CLASP2: variants seen among roughly 807,000 people sequenced by gnomAD.
CLASP2 encodes cytoplasmic linker associated protein 2, also known as CLIP-associating protein 2.
In CLASP2, 47 loss-of-function variants were observed where a neutral mutation model predicts 194.4. That is an observed-to-expected ratio of 0.24 (90% confidence interval 0.19 to 0.31). CLASP2 has a LOEUF of 0.31. Among genes scored for constraint, CLASP2 ranks in the 10% least tolerant of loss-of-function variants. The probability of loss-of-function intolerance (pLI) is 1.00; values close to 1 mark genes in which losing one functional copy is unlikely to be tolerated. For synonymous variants in CLASP2, 619 were observed against 633.5 expected (o/e 0.98, Z 0.34); for missense variants, 1,445 against 1,823.6 (o/e 0.79, Z 3.78).
chr3:33,499,790 T>C (rs6785534), intron 38 of CLASP2, among the ~76,000 whole-genome samples: 61,853 of 151,938 alleles, frequency 0.41, 12,793 homozygotes, highest in Admixed American at 0.51. Flanking sequence ...TCTTTATCTT[T>C]ATATTTTATA....
intron 32 of CLASP2, among the ~76,000 whole-genome samples, chr3:33,541,295 G>A (rs1350650476): frequency 1.3e-5 from 2 of 152,112 alleles, no homozygotes; most frequent in Admixed American, 6.6e-5. Context: ...TATACACCAC[G>A]GAATACACCA....
chr3:33,653,833 T>C (rs2083646604), intron 7 of CLASP2, among the ~76,000 whole-genome samples: 2 of 152,150 alleles, frequency 1.3e-5, no homozygotes, highest in Non-Finnish European at 2.9e-5. Flanking sequence ...ATGTCTGAAA[T>C]GCTTCATTAA....
At chr3:33,680,475 T>C (rs1249325648) in intron 6 of CLASP2, among the ~76,000 whole-genome samples, 3 of 152,214 alleles carry the variant, frequency 2.0e-5, no homozygotes, top group African/African-American at 4.8e-5. Flanking sequence ...GAAATCTCTG[T>C]ACCTTCACTT....
At chr3:33,541,651 T>C (rs2058385518) in intron 32 of CLASP2, among the ~76,000 whole-genome samples, 1 of 152,212 alleles carries the variant, frequency 6.6e-6, no homozygotes, top group African/African-American at 2.4e-5. Flanking sequence ...TCTATGTCTC[T>C]GCAAAGGACA....
At chr3:33,577,085 A>C (rs2065055544) in intron 23 of CLASP2, 2 of 870,774 alleles carry the variant, frequency 2.3e-6, no homozygotes, top group Admixed American at 3.3e-5. Context: ...TCTCCAACAA[A>C]TTAAATTTAA....
intron 21 of CLASP2, chr3:33,588,731 C>T (rs1349457361): frequency 1.4e-6 from 1 of 702,206 alleles, no homozygotes; most frequent in Non-Finnish European, 2.6e-6. Context: ...AGATTGTGAT[C>T]CTGAACAAGT....
chr3:33,639,669 C>G (rs893822171), intron 8 of CLASP2, among the ~76,000 whole-genome samples: 8 of 152,032 alleles, frequency 5.3e-5, no homozygotes, highest in African/African-American at 1.9e-4. Context: ...ATGTTATTTA[C>G]TCAAATCATA....
intron 8 of CLASP2, among the ~76,000 whole-genome samples, chr3:33,640,364 ATAAAG>A (rs1312755064): frequency 6.6e-6 from 1 of 152,248 alleles, no homozygotes; most frequent in Non-Finnish European, 1.5e-5. Flanking sequence ...CAGGTTAGAC[ATAAAG>A]TGAAGTAAAA....
chr3:33,696,353 C>CTTT lies in CLASP2; in HGVS notation c.274+499_274+501dup, dbSNP rs962854814. ...CCAGTAAAAACAATTTTCTTTCTTT[C>CTTT]TTTTTTTTTTTTTTTTTTTTTTTTT... On this transcript the variant is annotated intron_variant, in intron 2 of 38. Coordinates refer to ENST00000682230, the MANE Select transcript of CLASP2 (RefSeq NM_001365631.1). 7.8e-3 allele frequency among the ~76,000 whole-genome samples: 409 copies of CTTT among 52,748 alleles called. 4 individuals carry two copies. The highest frequency in any genetic ancestry group is 0.026 in the African/African-American group (334 of 12,920). The allele number at this position is 52,748 out of a possible 152,430, so 34.6% of individuals were successfully genotyped here.
chr3:33,692,089 A>G (rs1303824384), intron 2 of CLASP2, among the ~76,000 whole-genome samples: 1 of 152,110 alleles, frequency 6.6e-6, no homozygotes, highest in Non-Finnish European at 1.5e-5. Context: ...GGATGGTTTG[A>G]GCCCAGGAGG....
chr3:33,699,932 GAT>G (rs2092256081), intron 1 of CLASP2, among the ~76,000 whole-genome samples: 1 of 140,752 alleles, frequency 7.1e-6, no homozygotes, highest in Admixed American at 7.1e-5. Context: ...TAAAATAAAA[GAT>G]ATTTTAAAAG....
At chr3:33,694,432 C>T (rs906723586) in intron 2 of CLASP2, among the ~76,000 whole-genome samples, 1 of 152,118 alleles carries the variant, frequency 6.6e-6, no homozygotes, top group Non-Finnish European at 1.5e-5. Context: ...ATTCTTAAGT[C>T]TAAATTTTCT....
intron 1 of CLASP2, among the ~76,000 whole-genome samples, chr3:33,704,274 A>T (rs2092557189): frequency 6.6e-6 from 1 of 152,222 alleles, no homozygotes; most frequent in African/African-American, 2.4e-5. Flanking sequence ...TAACAAGTGT[A>T]TCACTCTGGT....
intron 12 of CLASP2, among the ~76,000 whole-genome samples, chr3:33,613,259 A>C (rs1444047097): frequency 6.6e-6 from 1 of 152,224 alleles, no homozygotes; most frequent in South Asian, 2.1e-4. Context: ...GATACAGCCC[A>C]AGGCTATCTT....
intron 2 of CLASP2, among the ~76,000 whole-genome samples, chr3:33,691,242 C>T (rs1037909921): frequency 8.5e-5 from 13 of 152,148 alleles, no homozygotes; most frequent in African/African-American, 1.4e-4. Flanking sequence ...TCTGAATCAA[C>T]GGAGGACTAA....
intron 23 of CLASP2, among the ~76,000 whole-genome samples, chr3:33,580,022 G>A (rs959609206): frequency 2.0e-5 from 3 of 152,176 alleles, no homozygotes; most frequent in Non-Finnish European, 2.9e-5. Context: ...TATTGCATAT[G>A]AACTAAAAAT....
At chr3:33,663,403 C>T (rs747124757) in intron 7 of CLASP2, 42 bp downstream of exon 7, 2 of 1,518,120 alleles carry the variant, frequency 1.3e-6, no homozygotes, top group Admixed American at 1.8e-5. Context: ...TAAAACTTTG[C>T]TAAATAGTCT....
At chr3:33,520,606 T>C in intron 34 of CLASP2, among the ~76,000 whole-genome samples, 1 of 151,894 alleles carries the variant, frequency 6.6e-6, no homozygotes. Flanking sequence ...AGTAGATCTG[T>C]GCAAGTAAGG....
chr3:33,677,538 A>T (rs1185274352), intron 6 of CLASP2, among the ~76,000 whole-genome samples: 3 of 120,040 alleles, frequency 2.5e-5, no homozygotes, highest in Non-Finnish European at 4.9e-5. Flanking sequence ...GGAACATCAC[A>T]CTCTGGGGAC....
Sources: allele counts gnomAD v4.1 joint callset (sites outside exome capture counted in the v4.1 genomes callset), GRCh38; gene constraint gnomAD v4.1.1; transcripts MANE v1.5; gene names NCBI Gene and HGNC (gene_info 2026-07-23, HGNC 2026-07-21).